The following GAP43 variants were observed in gnomAD, a reference collection of about 807,000 sequenced individuals.
GAP43 encodes the protein neuromodulin.
GAP43 carries 6 observed loss-of-function variants against 18.6 expected under a neutral mutation model. The ratio of observed to expected loss-of-function variants is 0.32; its 90% CI spans 0.18 to 0.64. The LOEUF is 0.64. Among genes scored for constraint, GAP43 ranks in the 30% least tolerant of loss-of-function variants. The pLI, the probability that GAP43 is intolerant of heterozygous loss-of-function variation, is 0.78. For synonymous variants in GAP43, 115 were observed against 111.4 expected (o/e 1.03, Z -0.20); for missense variants, 292 against 295.5 (o/e 0.99, Z 0.09).
At chr3:115,630,307 C>T (rs199968863) in intron 1 of GAP43, among the ~76,000 whole-genome samples, 163 of 152,260 alleles carry the variant, frequency 1.1e-3, no homozygotes, top group African/African-American at 3.8e-3. Context: ...TTCTTTTCTT[C>T]CGTCTGAAGT....
At chr3:115,710,622 G>A (rs1709421909) in intron 2 of GAP43, among the ~76,000 whole-genome samples, 1 of 152,118 alleles carries the variant, frequency 6.6e-6, no homozygotes, top group Non-Finnish European at 1.5e-5. Flanking sequence ...TTTTCAGGAT[G>A]TATAAATTGT....
chr3:115,677,855 A>T (rs1361701268), intron 2 of GAP43, among the ~76,000 whole-genome samples: 10 of 152,126 alleles, frequency 6.6e-5, no homozygotes, highest in African/African-American at 4.8e-5. Context: ...CTTGATATAC[A>T]TTTCCCCAAA....
Position 115,623,626 on chromosome 3 carries a change from G to A in GAP43, c.-64G>A, listed in dbSNP as rs538576642. The A allele has an allele frequency of 6.9e-6, 11 of 1,596,406 alleles. No homozygotes were observed. In the Admixed American group the frequency reaches 1.0e-4, roughly 15 times the overall value. On this transcript the variant is annotated 5_prime_UTR_variant, in exon 1 of 3. Transcript: ENST00000305124. ...CGAGCAGAAAAGAGGTGGAGAGGGG[G>A]GGAATAAGAAAGAGAGAGAAGGAAA...
chr3:115,673,675 G>T (rs1708840957), intron 1 of GAP43, among the ~76,000 whole-genome samples: 1 of 152,170 alleles, frequency 6.6e-6, no homozygotes, highest in African/African-American at 2.4e-5. Context: ...GAGAACTCCT[G>T]GCAGGGACAG....
In GAP43 at chr3:115,644,813, A is replaced by T. The variant is rs1708438242; in HGVS notation, c.30+21094A>T. 6.6e-6 allele frequency among the ~76,000 whole-genome samples: 1 copy of T among 152,076 alleles called. No individual in the cohort carries two copies. ...GTCAGACACTGGGTTCTGTGCTTAT[A>T]ACCTGATCTCAAATCAAAACCCAAT... On this transcript the variant is annotated intron_variant, in intron 1 of 2. Transcript: ENST00000305124. This position sits in a 1 kb window ranked among gnomAD's most constrained non-coding sequence, Gnocchi z 4.2.
chr3:115,638,551 A>AT lies in GAP43; in HGVS notation c.30+14840dup, dbSNP rs34887539. On this transcript the variant is annotated intron_variant, in intron 1 of 2. Coordinates refer to ENST00000305124, the MANE Select transcript of GAP43 (RefSeq NM_002045.4). ...ATCTTTTTGGGATGCTCTCAATCTG[A>AT]TTTTTTTTAAAAAGTATTTACTTTT... Among the ~76,000 whole-genome samples the AT allele has an allele frequency of 4.0e-3, 587 of 147,488 alleles. 3 individuals are homozygous for AT. Among genetic ancestry groups the AT allele is most frequent in the African/African-American group, 0.014 (553 of 39,952 alleles).
chr3:115,659,900 C>G (rs11915415), intron 1 of GAP43, among the ~76,000 whole-genome samples: 129 of 152,252 alleles, frequency 8.5e-4, no homozygotes, highest in African/African-American at 3.1e-3. Context: ...TTTTTAGCAG[C>G]CCCCTCCCCC....
intron 2 of GAP43, among the ~76,000 whole-genome samples, chr3:115,703,146 G>GTA (rs1169138813): frequency 6.6e-6 from 1 of 152,054 alleles, no homozygotes; most frequent in Non-Finnish European, 1.5e-5. Context: ...TTGGGAATAT[G>GTA]TATATTTATG....
rs3086974 is a variant in GAP43, at chr3:115,708,940, G to GTTTTTTTTTTTTTTTTTTTTTTTTTTT, written c.629-11830_629-11829insTTTTTTTTTTTTTTTTTTTTTTTTTTT. 4.0e-5 allele frequency among the ~76,000 whole-genome samples: 4 copies of GTTTTTTTTTTTTTTTTTTTTTTTTTTT among 99,792 alleles called. 1 individual carries two copies. The highest frequency in any genetic ancestry group is 1.7e-4 in the African/African-American group (4 of 24,156). The allele number at this position is 99,792 out of a possible 152,430, so 65.5% of individuals were successfully genotyped here. ...ACAGATGATATTGACAACTGGCTGG[G>GTTTTTTTTTTTTTTTTTTTTTTTTTTT]TTTTTTTTTTTTTTTTTTTTTTTTG... is the stretch of plus-strand genomic sequence containing the variant. On this transcript the variant is annotated intron_variant, in intron 2 of 2. Coordinates refer to ENST00000305124, the MANE Select transcript of GAP43 (RefSeq NM_002045.4).
chr3:115,698,125 A>T (rs1317245389), intron 2 of GAP43, among the ~76,000 whole-genome samples: 1 of 9,596 alleles, frequency 1.0e-4, no homozygotes, highest in Non-Finnish European at 5.5e-4. Flanking sequence ...AATATATATT[A>T]TATATAATAT....
At chr3:115,634,505 G>A (rs1370173012) in intron 1 of GAP43, among the ~76,000 whole-genome samples, 3 of 152,062 alleles carry the variant, frequency 2.0e-5, no homozygotes, top group Non-Finnish European at 4.4e-5. Context: ...ACTGGATATG[G>A]TGGCTCATGC....
At chr3:115,696,582 C>T (rs879395326) in intron 2 of GAP43, among the ~76,000 whole-genome samples, 27 of 123,854 alleles carry the variant, frequency 2.2e-4, no homozygotes, top group Non-Finnish European at 4.2e-4. Flanking sequence ...CCCACCGCCC[C>T]CCCCCCCCAC....
Position 115,676,568 on chromosome 3 carries a change from C to T in GAP43, c.586C>T (p.Pro196Ser), listed in dbSNP as rs1362613425. The T allele has an allele frequency of 6.2e-7, 1 of 1,611,454 alleles. No homozygotes were observed. The change falls in exon 2 of 3, where the codon CCA (proline) becomes TCA (serine). Residue 196 changes from proline (P) to serine (S), a missense_variant. Pro to Ser is a moderately conservative substitution (Grantham distance 74). Transcript: ENST00000305124. ...DAAAKATAQP[P>S]TETGESSQAE... is the part of the protein sequence containing the mutation. ...TGCTGCCAAGGCAACAGCCCAGCCT[C>T]CAACGGAGACTGGGGAGAGCAGCCA...
At chr3:115,698,136 A>AT (rs1709234066) in intron 2 of GAP43, among the ~76,000 whole-genome samples, 1 of 18,140 alleles carries the variant, frequency 5.5e-5, no homozygotes, top group Non-Finnish European at 1.1e-4. Flanking sequence ...TATATAATAT[A>AT]TATAATATAT....
chr3:115,713,119 A>G (rs377153385), intron 2 of GAP43, among the ~76,000 whole-genome samples: 1 of 152,200 alleles, frequency 6.6e-6, no homozygotes, highest in East Asian at 1.9e-4. Context: ...AGCTAAAGAA[A>G]AAGACTGTGT....
rs75602064 is a variant in GAP43 at position 115,663,252 on chromosome 3, G to A, written c.31-12761G>A. On this transcript the variant is annotated intron_variant, in intron 1 of 2. Transcript: ENST00000305124. ...CTACAATTGTGAAAAAAAGGAACAC[G>A]AATAGTTGGTTCAAGTAAAAAGCAA... Among the ~76,000 whole-genome samples the A allele has an allele frequency of 1.8e-4, 27 of 152,256 alleles. No individual in the cohort carries two copies. The East Asian group carries it at 4.8e-3, about 27-fold the overall frequency.
intron 2 of GAP43, among the ~76,000 whole-genome samples, chr3:115,718,533 G>A (rs2107381922): frequency 6.6e-6 from 1 of 152,236 alleles, no homozygotes; most frequent in East Asian, 1.9e-4. Context: ...TTGGATAGGT[G>A]CACTGTGTTC....
chr3:115,631,335 G>T (rs192119536), intron 1 of GAP43, among the ~76,000 whole-genome samples: 1 of 152,196 alleles, frequency 6.6e-6, no homozygotes, highest in East Asian at 1.9e-4. Context: ...ACCTTTCTGA[G>T]CCTAGTATAT....
intron 1 of GAP43, among the ~76,000 whole-genome samples, chr3:115,631,963 TTTA>T (rs1397411558): frequency 6.6e-6 from 1 of 152,116 alleles, no homozygotes; most frequent in East Asian, 1.9e-4. Flanking sequence ...ATAGTATCTG[TTTA>T]TTATTTCCTT....
Sources: allele counts gnomAD v4.1 joint callset (sites outside exome capture counted in the v4.1 genomes callset), GRCh38; gene constraint gnomAD v4.1.1; non-coding constraint Gnocchi (gnomAD v3.1); transcripts MANE v1.5; gene names NCBI Gene and HGNC (gene_info 2026-07-23, HGNC 2026-07-21).